COX11: variants seen among roughly 807,000 people sequenced by gnomAD.
COX11 encodes the protein cytochrome c oxidase copper chaperone COX11, also known as cytochrome c oxidase assembly protein COX11, mitochondrial.
Under a neutral mutation model 29.4 loss-of-function variants are expected in COX11, and 18 were observed. The observed-to-expected ratio is 0.61, with a 90% CI of 0.42 to 0.91. COX11 has a LOEUF of 0.91. COX11 is among the 40% of genes least tolerant of loss of function. The pLI is 0.00. For synonymous variants in COX11, 131 were observed against 124.0 expected (o/e 1.06, Z -0.38); for missense variants, 312 against 346.0 (o/e 0.90, Z 0.78).
In COX11 at chr17:54,962,576, T is replaced by G; in HGVS notation, c.*157A>C. On this transcript the variant is annotated 3_prime_UTR_variant, in exon 4 of 4. Transcript: ENST00000299335. ...GAGTTTCTTATGATAAAAGCTGAAC[T>G]TGTTCTCTCAAGTTTAAGTGAAAAA... is the stretch of plus-strand genomic sequence containing the variant. 7.4e-7 allele frequency: 1 copy of G among 1,346,454 alleles called. No individual in the cohort carries two copies. Among genetic ancestry groups the G allele is most frequent in the Non-Finnish European group, 9.5e-7 (1 of 1,051,164 alleles). The allele number at this position is 1,346,454 out of a possible 1,614,324, so 83.4% of individuals were successfully genotyped here. A position where few individuals can be genotyped will look rare whatever the true frequency, so the allele number is the denominator to read the frequency against.
Position 54,963,158 on chromosome 17 carries a change from T to C in COX11, c.648+148A>G, listed in dbSNP as rs1191200342. On this transcript the variant is annotated intron_variant, in intron 3 of 3. Coordinates refer to ENST00000299335, the MANE Select transcript of COX11 (RefSeq NM_004375.5). ...TTTGGTTTGGTTCTCAATCTCTGCA[T>C]AGCAGGTATAGATAGTGAAGAAAAA... 4 of 900,276 alleles carry C rather than the reference T, an allele frequency of 4.4e-6. No homozygotes were observed. The African/African-American group carries it at 6.8e-5, about 15-fold the overall frequency. 55.8% of individuals were successfully genotyped at this position (900,276 alleles called of 1,614,324 possible).
Position 54,960,522 on chromosome 17 carries a change from T to G in COX11, c.*2211A>C. On this transcript the variant is annotated 3_prime_UTR_variant, in exon 4 of 4. Coordinates refer to ENST00000299335, the MANE Select transcript of COX11 (RefSeq NM_004375.5). The stretch of plus-strand genomic sequence containing the variant: ...GCAGTTAAAAACCAAAATAGCACTT[T>G]GAAATTGATACATAACCCTTTTGCT... 5.8e-6 allele frequency: 9 copies of G among 1,542,266 alleles called. No individual in the cohort carries two copies. The highest frequency in any genetic ancestry group is 1.4e-5 in the African/African-American group (1 of 73,452).
chr17:54,965,001 G>T, intron 1 of COX11, 149 bp from the exon 2 acceptor site: 1 of 719,730 alleles, frequency 1.4e-6, no homozygotes, highest in Non-Finnish European at 2.2e-6. Context: ...ACTGTGTCAA[G>T]AATCTGACTA....
At chr17:54,958,401 A>T (rs561459761), downstream of COX11, 1 of 152,260 alleles carries the variant, frequency 6.6e-6, no homozygotes, top group African/African-American at 2.4e-5. Flanking sequence ...GTAAGTACAG[A>T]TAACTTCTTA....
At chr17:54,964,126 C>T (rs2077179352) in intron 2 of COX11, among the ~76,000 whole-genome samples, 1 of 152,134 alleles carries the variant, frequency 6.6e-6, no homozygotes, top group East Asian at 1.9e-4. Flanking sequence ...TCTGGCTAAT[C>T]CTCAATTAAT....
chr17:54,956,839 G>A (rs1484168607), downstream of COX11: 1 of 150,028 alleles, frequency 6.7e-6, no homozygotes, highest in African/African-American at 2.5e-5. Flanking sequence ...AGGGTTTTAT[G>A]GGGTGATAGA....
chr17:54,958,748 A>AGGG (rs57608062), downstream of COX11, among the ~76,000 whole-genome samples: 1 of 118,928 alleles, frequency 8.4e-6, no homozygotes, highest in Non-Finnish European at 1.7e-5. Context: ...AAAAAAAAAA[A>AGGG]GGGGTTGTTG....
intron 1 of COX11, among the ~76,000 whole-genome samples, chr17:54,966,647 C>A (rs1023272649): frequency 5.3e-5 from 8 of 152,206 alleles, no homozygotes; most frequent in African/African-American, 1.9e-4. Flanking sequence ...CAAAAATCTC[C>A]TGGCGGTCTG....
intron 1 of COX11, 141 bp downstream of exon 1, chr17:54,968,138 GTT>G: frequency 1.5e-6 from 2 of 1,333,308 alleles, no homozygotes; most frequent in Non-Finnish European, 2.0e-6. Flanking sequence ...TTAAGTGACT[GTT>G]TTGAACCTCT....
chr17:54,956,441 G>A (rs746452311), downstream of COX11, among the ~76,000 whole-genome samples: 5 of 152,020 alleles, frequency 3.3e-5, no homozygotes, highest in Non-Finnish European at 5.9e-5. Flanking sequence ...AGTAGCTGGG[G>A]ACTACAAGCA....
In COX11 at chr17:54,963,349, T is replaced by C. The variant is rs1406269081; in HGVS notation, c.605A>G (p.Asn202Ser). The change falls in exon 3 of 4, where the codon AAT (asparagine) becomes AGT (serine). Residue 202 changes from asparagine (N) to serine (S), a missense_variant. Asn to Ser is a conservative substitution (Grantham distance 46, BLOSUM62 1). This residue lies in a region of COX11 where 182 missense variants were observed against 240.0 expected (regional missense o/e 0.76). Coordinates refer to ENST00000299335, the MANE Select transcript of COX11 (RefSeq NM_004375.5). ...CTGTCCAGCTTCAAATGGAACAATA[T>C]TGTATGTAGAAATTCCAATTACTGG... ...DKPVIGISTY[N>S]IVPFEAGQYF... The C allele has an allele frequency of 6.2e-7, 1 of 1,612,330 alleles. No homozygotes were observed. Among genetic ancestry groups the C allele is most frequent in the Non-Finnish European group, 8.5e-7 (1 of 1,179,002 alleles).
downstream of COX11, among the ~76,000 whole-genome samples, chr17:54,960,255 C>T (rs953133020): frequency 6.6e-6 from 1 of 152,070 alleles, no homozygotes; most frequent in Non-Finnish European, 1.5e-5. Context: ...ATCCCAGCTA[C>T]TCGTGGGGCT....
At chr17:54,954,669 G>A (rs1004247570) in exon 1 of COX11, 2 of 152,202 alleles carry the variant, frequency 1.3e-5, no homozygotes, top group African/African-American at 4.8e-5. Flanking sequence ...CTCTTGGAGG[G>A]GGTAGTAAAG....
downstream of COX11, among the ~76,000 whole-genome samples, chr17:54,960,024 A>G (rs2077073865): frequency 6.6e-6 from 1 of 152,124 alleles, no homozygotes; most frequent in South Asian, 2.1e-4. Flanking sequence ...CACAAGAAAA[A>G]ATTAATTGGT....
At chr17:54,952,378 C>T (rs1395627956) in exon 1 of COX11, 3 of 151,916 alleles carry the variant, frequency 2.0e-5, no homozygotes, top group Non-Finnish European at 4.4e-5. Flanking sequence ...GAAACCCCGT[C>T]TCTACTAAAA....
chr17:54,961,014 C>T lies in COX11; in HGVS notation c.*1719G>A, dbSNP rs2077107126. The T allele has an allele frequency of 3.5e-6, 2 of 566,336 alleles. No homozygotes were observed. Among genetic ancestry groups the T allele is most frequent in the Non-Finnish European group, 6.2e-6 (2 of 321,078 alleles). 35.1% of individuals were successfully genotyped at this position (566,336 alleles called of 1,614,324 possible). On this transcript the variant is annotated 3_prime_UTR_variant, in exon 4 of 4. Transcript: ENST00000299335. The stretch of plus-strand genomic sequence containing the variant: ...AATAGGTCTGAATTTTTCCTATTTT[C>T]AGCACTACTAATCCCATGTATTTAC...
chr17:54,963,158 T>G, intron 3 of COX11, 148 bp downstream of exon 3: 3 of 900,394 alleles, frequency 3.3e-6, no homozygotes, highest in Non-Finnish European at 5.0e-6. Context: ...AATCTCTGCA[T>G]AGCAGGTATA....
At chr17:54,964,556 T>G in intron 2 of COX11, 141 bp downstream of exon 2, 1 of 812,598 alleles carries the variant, frequency 1.2e-6, no homozygotes, top group Non-Finnish European at 1.9e-6. Context: ...TACATGATAG[T>G]AAAAGTCAAT....
rs1366461618 is a variant in COX11, at chr17:54,968,571, T to A, written c.76A>T (p.Thr26Ser). The A allele has an allele frequency of 1.9e-6, 3 of 1,612,882 alleles. No individual in the cohort carries two copies. The highest frequency in any genetic ancestry group is 2.5e-6 in the Non-Finnish European group (3 of 1,179,994). The change falls in exon 1 of 4, where the codon ACC becomes TCC. Residue 26 changes from threonine (T) to serine (S), a missense_variant. Thr to Ser is a moderately conservative substitution (Grantham distance 58). Coordinates refer to ENST00000299335, the MANE Select transcript of COX11 (RefSeq NM_004375.5). ...GGCTCTACCCTCTCTGCAGCCCTGG[T>A]TGGAGACCCAGGGTGGATCCAGCGC... ...GWRWIHPGSP[T>S]RAAERVEPFL...
Sources: allele counts gnomAD v4.1 joint callset (sites outside exome capture counted in the v4.1 genomes callset), GRCh38; gene constraint gnomAD v4.1.1; regional missense constraint gnomAD v4.1.1; transcripts MANE v1.5; gene names NCBI Gene and HGNC (gene_info 2026-07-23, HGNC 2026-07-21).